The following PTPRJ variants were observed in gnomAD, a reference collection of about 807,000 sequenced individuals.
PTPRJ encodes protein tyrosine phosphatase receptor type J, also known as receptor-type tyrosine-protein phosphatase eta.
PTPRJ carries 129 observed loss-of-function variants against 141.3 expected under a neutral mutation model. The observed-to-expected ratio is 0.91, with a 90% CI of 0.79 to 1.06. The LOEUF (loss-of-function observed/expected upper bound fraction) is 1.06, where lower values mean the gene tolerates loss of function less well. PTPRJ is among the 50% of genes least tolerant of loss of function. The pLI, the probability that PTPRJ is intolerant of heterozygous loss-of-function variation, is 0.00. For missense variants in PTPRJ, 1,601 were observed against 1,679.7 expected (o/e 0.95, Z 0.82); for synonymous variants, 610 against 640.5 (o/e 0.95, Z 0.72).
At chr11:48,038,967 G>T (rs1015558332) in intron 1 of PTPRJ, among the ~76,000 whole-genome samples, 19 of 150,798 alleles carry the variant, frequency 1.3e-4, no homozygotes, top group Non-Finnish European at 2.5e-4. Context: ...TGGCCAACAT[G>T]GTGAAACCCC....
chr11:48,039,108 C>G (rs1854204762), intron 1 of PTPRJ, among the ~76,000 whole-genome samples: 1 of 150,750 alleles, frequency 6.6e-6, no homozygotes, highest in Non-Finnish European at 1.5e-5. Context: ...TGAGATCATA[C>G]CACTGCACTC....
At chr11:48,015,671 G>C (rs1854930325) in intron 1 of PTPRJ, among the ~76,000 whole-genome samples, 1 of 151,798 alleles carries the variant, frequency 6.6e-6, no homozygotes, top group Non-Finnish European at 1.5e-5. Context: ...GAGGTCAGGA[G>C]TTCAAGACCA....
chr11:47,983,823 T>G (rs1853975792), intron 1 of PTPRJ, among the ~76,000 whole-genome samples: 1 of 152,264 alleles, frequency 6.6e-6, no homozygotes, highest in Non-Finnish European at 1.5e-5. Flanking sequence ...AAAAAGCTGG[T>G]GACTGATAGC....
At chr11:48,010,335 GC>G (rs1854750196) in intron 1 of PTPRJ, among the ~76,000 whole-genome samples, 2 of 151,434 alleles carry the variant, frequency 1.3e-5, no homozygotes, top group Admixed American at 6.6e-5. Context: ...GTGCCACCAC[GC>G]CCGGCTTATT....
intron 1 of PTPRJ, among the ~76,000 whole-genome samples, chr11:48,064,209 T>C (rs759110377): frequency 6.6e-6 from 1 of 152,104 alleles, no homozygotes; most frequent in Non-Finnish European, 1.5e-5. Flanking sequence ...TCATTTTAAC[T>C]GTGCATCAAA....
intron 1 of PTPRJ, among the ~76,000 whole-genome samples, chr11:48,008,412 A>G (rs1371137583): frequency 2.0e-5 from 3 of 151,702 alleles, no homozygotes; most frequent in Admixed American, 2.0e-4. Context: ...GGCATGTGCC[A>G]CCACGCCCAG....
intron 7 of PTPRJ, among the ~76,000 whole-genome samples, chr11:48,129,582 A>T (rs926314395): frequency 1.3e-5 from 2 of 152,188 alleles, no homozygotes; most frequent in African/African-American, 4.8e-5. Context: ...AAGTCAGCTC[A>T]TAACAGTTGA....
At chr11:48,066,102 C>T (rs1315817454) in intron 1 of PTPRJ, among the ~76,000 whole-genome samples, 1 of 152,142 alleles carries the variant, frequency 6.6e-6, no homozygotes, top group Non-Finnish European at 1.5e-5. Context: ...GCTCTATAGT[C>T]ATGCCACTGC....
At chr11:48,140,845 A>T (rs544566470) in intron 11 of PTPRJ, among the ~76,000 whole-genome samples, 3 of 152,328 alleles carry the variant, frequency 2.0e-5, no homozygotes, top group African/African-American at 7.2e-5. Context: ...GAGTTATTTT[A>T]TGTCTTCTTT....
chr11:48,113,077 T>A, intron 3 of PTPRJ, 94 bp downstream of exon 3: 1 of 1,079,928 alleles, frequency 9.3e-7, no homozygotes, highest in Non-Finnish European at 1.3e-6. Flanking sequence ...TTCTTTTAAT[T>A]ACCTAAGAAA....
At chr11:48,075,695 A>C (rs1342390940) in intron 1 of PTPRJ, among the ~76,000 whole-genome samples, 2 of 152,090 alleles carry the variant, frequency 1.3e-5, no homozygotes, top group Admixed American at 1.3e-4. Context: ...GGCCTCCCAG[A>C]GTGCTGCGAT....
chr11:48,128,791 A>T (rs1856901985), intron 7 of PTPRJ, among the ~76,000 whole-genome samples: 1 of 152,150 alleles, frequency 6.6e-6, no homozygotes. Context: ...GCAGAGCAGG[A>T]CTTGAACTCA....
At chr11:48,097,831 C>A (rs901462983) in intron 1 of PTPRJ, among the ~76,000 whole-genome samples, 3 of 152,134 alleles carry the variant, frequency 2.0e-5, no homozygotes, top group African/African-American at 7.2e-5. Context: ...AGCCACCGCA[C>A]CCGGCCTGAA....
intron 1 of PTPRJ, among the ~76,000 whole-genome samples, chr11:48,053,197 A>ATAAATATATTATATATAATATAT (rs1463774645): frequency 1.0e-3 from 102 of 98,556 alleles, no homozygotes; most frequent in Admixed American, 2.0e-3. Flanking sequence ...ATAAAAATAT[A>ATAAATATATTATATATAATATAT]TAAATATATT....
chr11:48,082,410 A>ATTTTTT (rs386373791), intron 1 of PTPRJ, among the ~76,000 whole-genome samples: 1 of 125,254 alleles, frequency 8.0e-6, no homozygotes, highest in Non-Finnish European at 1.6e-5. Context: ...TACCTGGCAA[A>ATTTTTT]TTTTTTTTTT....
At chr11:48,042,854 T>A (rs572108977) in intron 1 of PTPRJ, among the ~76,000 whole-genome samples, 1 of 151,226 alleles carries the variant, frequency 6.6e-6, no homozygotes, top group African/African-American at 2.4e-5. Context: ...GGAAGAATGA[T>A]TGATTAGGAA....
At chr11:48,026,873 C>CG (rs1565264467) in intron 1 of PTPRJ, among the ~76,000 whole-genome samples, 2 of 151,918 alleles carry the variant, frequency 1.3e-5, no homozygotes, top group Non-Finnish European at 2.9e-5. Context: ...TCTGAGTCCC[C>CG]GAAGTCCACT....
At chr11:48,056,719 G>A (rs1449169053) in intron 1 of PTPRJ, among the ~76,000 whole-genome samples, 1 of 152,150 alleles carries the variant, frequency 6.6e-6, no homozygotes, top group African/African-American at 2.4e-5. Context: ...TTGGGAGGCC[G>A]AGGTAGGCGG....
intron 24 of PTPRJ, among the ~76,000 whole-genome samples, chr11:48,166,612 G>A (rs1857924109): frequency 6.6e-6 from 1 of 152,120 alleles, no homozygotes; most frequent in Non-Finnish European, 1.5e-5. Context: ...ACCGCGCCTG[G>A]CCAGATCCTG....
Sources: gnomAD v4.1 joint callset for allele counts (sites outside exome capture counted in the v4.1 genomes callset) on GRCh38, gnomAD v4.1.1 for gene constraint, MANE v1.5 for transcripts, NCBI Gene and HGNC (gene_info 2026-07-23, HGNC 2026-07-21) for gene names.